The following NCOR1 variants were observed in gnomAD, a reference collection of about 807,000 sequenced individuals.
The protein encoded by NCOR1 is nuclear receptor corepressor 1.
A neutral mutation model predicts 288.1 loss-of-function variants in NCOR1; 63 were observed. That is an observed-to-expected ratio of 0.22 (90% CI 0.18 to 0.27). NCOR1 has a LOEUF of 0.27. NCOR1 is among the 10% of genes least tolerant of loss of function. NCOR1 has a pLI of 1.00. For missense variants in NCOR1, 2,397 were observed against 3,019.2 expected, an observed-to-expected ratio of 0.79 and a Z score of 4.83; for synonymous variants, 1,007 against 1,065.9, an observed-to-expected ratio of 0.94 and a Z score of 1.08.
intron 9 of NCOR1, among the ~76,000 whole-genome samples, chr17:16,149,034 T>A (rs950583854): frequency 6.6e-6 from 1 of 151,938 alleles, no homozygotes; most frequent in African/African-American, 2.4e-5. Context: ...GGAAAACCAT[T>A]TGAATTTGAA....
chr17:16,118,535 C>T (rs2072232620), intron 17 of NCOR1, among the ~76,000 whole-genome samples: 2 of 152,300 alleles, frequency 1.3e-5, no homozygotes, highest in East Asian at 1.9e-4. Context: ...TATGGTAATA[C>T]AATGCATTAC....
chr17:16,071,581 G>A lies in NCOR1; in HGVS notation c.3980C>T (p.Ala1327Val), dbSNP rs768657928. The change falls in exon 30 of 46, where the codon GCA becomes GTA. Residue 1327 changes from alanine to valine, a missense_variant. Around this residue, in one of 11 missense-constraint regions of NCOR1, gnomAD observed 1,872 missense variants for 2,187.8 expected, o/e 0.86. Transcript: ENST00000268712. ...QIKRESPPIR[A>V]FEGAITKGKP... is the part of the protein sequence containing the mutation. ...TCCTTTGGTAATGGCACCTTCAAATGCTCGTATGGGAGGACTTTCCCTTTT... is the reference window on the plus strand; with the variant it reads ...TCCTTTGGTAATGGCACCTTCAAATACTCGTATGGGAGGACTTTCCCTTTT... 1.9e-6 allele frequency: 3 copies of A among 1,614,026 alleles called. No homozygotes were observed. The highest frequency in any genetic ancestry group is 2.2e-5 in the East Asian group (1 of 44,870).
At chr17:16,102,139 T>C (rs1169621602) in intron 19 of NCOR1, among the ~76,000 whole-genome samples, 1 of 152,216 alleles carries the variant, frequency 6.6e-6, no homozygotes, top group African/African-American at 2.4e-5. Context: ...TTCCTGTGAA[T>C]TTCCTTTTAC....
chr17:16,095,549 C>T (rs1164606165), intron 21 of NCOR1, among the ~76,000 whole-genome samples: 10 of 132,950 alleles, frequency 7.5e-5, no homozygotes, highest in Admixed American at 2.2e-4. Flanking sequence ...GGGGGGTCAG[C>T]CCCCCGCCCG....
chr17:16,186,753 A>C, intron 2 of NCOR1, 66 bp from the exon 3 acceptor site: 1 of 1,515,130 alleles, frequency 6.6e-7, no homozygotes. Flanking sequence ...AAATCAAAGC[A>C]AGTATAAAGG....
chr17:16,095,294 G>A (rs1211658969), intron 21 of NCOR1, among the ~76,000 whole-genome samples: 6 of 143,734 alleles, frequency 4.2e-5, no homozygotes, highest in African/African-American at 1.6e-4. Context: ...CTGCCCGGCC[G>A]CCCCGTCTGA....
chr17:16,047,198 T>G (rs1426880778), intron 41 of NCOR1, 105 bp from the exon 42 acceptor site: 3 of 1,179,778 alleles, frequency 2.5e-6, no homozygotes, highest in East Asian at 5.1e-5. Context: ...AACTACTGCC[T>G]CCTCATCCTG....
intron 23 of NCOR1, among the ~76,000 whole-genome samples, chr17:16,083,856 T>C (rs560380523): frequency 3.9e-4 from 60 of 152,192 alleles, no homozygotes; most frequent in Admixed American, 3.3e-3. Context: ...ATGATTCATG[T>C]TTGGGGGGGG....
At chr17:16,125,951 G>A (rs984963825) in intron 15 of NCOR1, 131 bp downstream of exon 15, 4 of 516,238 alleles carry the variant, frequency 7.7e-6, no homozygotes, top group African/African-American at 2.0e-5. Context: ...TTGGGCGATG[G>A]TACACTAAAA....
chr17:16,121,399 A>AAT, intron 15 of NCOR1, 130 bp from the exon 16 acceptor site: 1 of 718,706 alleles, frequency 1.4e-6, no homozygotes, highest in Non-Finnish European at 2.1e-6. Flanking sequence ...AAAAAAAAAA[A>AAT]TTATCAACAA....
chr17:16,058,155 A>G (rs778637913), intron 38 of NCOR1, 91 bp from the exon 39 acceptor site: 39 of 1,414,888 alleles, frequency 2.8e-5, no homozygotes, highest in Non-Finnish European at 3.3e-5. Context: ...AGAACACCTG[A>G]AAGGATGTGG....
chr17:16,114,157 A>AC lies in NCOR1; in HGVS notation c.2055+3730_2055+3731insG, dbSNP rs1411994356. On this transcript the variant is annotated intron_variant, in intron 18 of 45. Transcript: ENST00000268712. ...ATGGCGGCAGGCAAAAAAAAAAAAA[A>AC]AAAAAAAAAAAACTTGTGCAGGGGA... is the stretch of plus-strand genomic sequence containing the variant. 4.0e-4 allele frequency among the ~76,000 whole-genome samples: 55 copies of AC among 136,426 alleles called. 4 individuals carry two copies. Among genetic ancestry groups the AC allele is most frequent in the East Asian group, 1.3e-3 (6 of 4,708 alleles). The allele number at this position is 136,426 out of a possible 152,430, so 89.5% of individuals were successfully genotyped here.
intron 26 of NCOR1, among the ~76,000 whole-genome samples, chr17:16,077,651 A>G (rs1398258913): frequency 6.6e-6 from 1 of 151,762 alleles, no homozygotes; most frequent in Non-Finnish European, 1.5e-5. Flanking sequence ...AAGAGAAAAG[A>G]AAAGAGAAAG....
At chr17:16,102,768 A>G (rs962001267) in intron 19 of NCOR1, among the ~76,000 whole-genome samples, 2 of 151,894 alleles carry the variant, frequency 1.3e-5, no homozygotes, top group African/African-American at 4.8e-5. Flanking sequence ...TAATTTTTGT[A>G]TTTTTAGTAG....
intron 35 of NCOR1, among the ~76,000 whole-genome samples, chr17:16,062,931 G>GT (rs1567781695): frequency 1.3e-5 from 2 of 152,212 alleles, no homozygotes; most frequent in East Asian, 3.9e-4. Context: ...CTTGGACTTG[G>GT]TAAGAACTAC....
At chr17:16,197,878 G>A (rs939643520) in intron 1 of NCOR1, among the ~76,000 whole-genome samples, 21 of 152,100 alleles carry the variant, frequency 1.4e-4, no homozygotes, top group South Asian at 2.1e-4. Context: ...AATATAAAGC[G>A]AAAAATCTCC....
At chr17:16,095,429 C>A (rs865796784) in intron 21 of NCOR1, among the ~76,000 whole-genome samples, 1 of 149,732 alleles carries the variant, frequency 6.7e-6, no homozygotes, top group African/African-American at 2.4e-5. Context: ...CCGCCCCATC[C>A]GGGAGGGAGG....
intron 21 of NCOR1, among the ~76,000 whole-genome samples, chr17:16,096,318 T>A (rs2066611226): frequency 1.3e-5 from 2 of 151,270 alleles, no homozygotes; most frequent in Admixed American, 6.6e-5. Flanking sequence ...AAAAATAAAA[T>A]AAAGAAAAGA....
chr17:16,115,156 A>C (rs1250972334), intron 18 of NCOR1, among the ~76,000 whole-genome samples: 1 of 152,206 alleles, frequency 6.6e-6, no homozygotes, highest in Admixed American at 6.5e-5. Context: ...CCACGGCCCA[A>C]GCTGTACCTT....
Sources: allele counts gnomAD v4.1 joint callset (sites outside exome capture counted in the v4.1 genomes callset), GRCh38; gene constraint gnomAD v4.1.1; regional missense constraint gnomAD v4.1.1; transcripts MANE v1.5; gene names NCBI Gene and HGNC (gene_info 2026-07-23, HGNC 2026-07-21).